Variants in FGF14 observed in about 807,000 individuals in gnomAD.
The protein encoded by FGF14 is fibroblast growth factor 14, also known as fibroblast growth factor homologous factor 4.
Under a neutral mutation model 25.5 loss-of-function variants are expected in FGF14, and 5 were observed. The observed-to-expected ratio is 0.20, with a 90% CI of 0.10 to 0.41. FGF14 has a LOEUF of 0.41. Ranked by LOEUF, FGF14 falls within the 10% of genes least tolerant of loss-of-function variation. The pLI, the probability that FGF14 is intolerant of heterozygous loss-of-function variation, is 1.00. For synonymous variants in FGF14, 138 were observed against 118.3 expected, an observed-to-expected ratio of 1.17 and a Z score of -1.08; for missense variants, 222 against 320.1, an observed-to-expected ratio of 0.69 and a Z score of 2.34.
intron 3 of FGF14, among the ~76,000 whole-genome samples, chr13:101,805,483 T>C (rs2041143178): frequency 6.6e-6 from 1 of 152,136 alleles, no homozygotes; most frequent in African/African-American, 2.4e-5. Flanking sequence ...ATATAAACAT[T>C]TTATCCAATG....
Position 102,116,660 on chromosome 13 carries a change from A to G in FGF14, c.209-241364T>C, listed in dbSNP as rs372403520. Reference sequence around the variant, plus strand: ...AAGTATATCAGAGGGCGCCAGGAACAGGGGCATGAGGGAATGGAGAATTAT... The same window carrying G: ...AAGTATATCAGAGGGCGCCAGGAACGGGGGCATGAGGGAATGGAGAATTAT... On this transcript the variant is annotated intron_variant, in intron 1 of 4. Coordinates refer to the FGF14 transcript ENST00000376131. Among the ~76,000 whole-genome samples, 17 of 152,296 alleles carry G rather than the reference A, an allele frequency of 1.1e-4. No individual in the cohort carries two copies. The East Asian group carries it at 1.7e-3, about 16-fold the overall frequency.
At chr13:101,810,511 C>T (rs1396493060) in intron 3 of FGF14, among the ~76,000 whole-genome samples, 1 of 152,166 alleles carries the variant, frequency 6.6e-6, no homozygotes, top group Non-Finnish European at 1.5e-5. Flanking sequence ...ACGACCATAT[C>T]ACTGCTACAT....
At chr13:102,219,501 G>A (rs912678575) in intron 1 of FGF14, among the ~76,000 whole-genome samples, 5 of 152,092 alleles carry the variant, frequency 3.3e-5, no homozygotes, top group African/African-American at 1.2e-4. Flanking sequence ...CTGAGCTTGT[G>A]GAAATTGGTT....
chr13:102,102,218 G>A (rs142956525), intron 1 of FGF14, among the ~76,000 whole-genome samples: 148 of 152,268 alleles, frequency 9.7e-4, no homozygotes, highest in African/African-American at 3.4e-3. Flanking sequence ...TAACCCAGTA[G>A]TAGCAAGAAC....
intron 1 of FGF14, among the ~76,000 whole-genome samples, chr13:102,080,710 C>T (rs1297521362): frequency 6.6e-6 from 1 of 152,198 alleles, no homozygotes; most frequent in Non-Finnish European, 1.5e-5. Context: ...CCCTCCAGAA[C>T]TAATTGTCAA....
intron 1 of FGF14, among the ~76,000 whole-genome samples, chr13:102,071,065 G>A (rs2043135221): frequency 6.6e-6 from 1 of 152,138 alleles, no homozygotes. Context: ...ATAAGTCATA[G>A]TTTACACCAG....
intron 1 of FGF14, among the ~76,000 whole-genome samples, chr13:102,209,362 C>T (rs567788566): frequency 1.3e-5 from 2 of 152,304 alleles, no homozygotes; most frequent in East Asian, 3.9e-4. Flanking sequence ...TAAATATAAA[C>T]AGAAACAGTC....
intron 1 of FGF14, among the ~76,000 whole-genome samples, chr13:102,090,823 T>C (rs2044131592): frequency 6.6e-6 from 1 of 152,352 alleles, no homozygotes; most frequent in African/African-American, 2.4e-5. Context: ...ATGAGATCCT[T>C]TGTGTTTACA....
chr13:101,966,857 G>C (rs1055509811), intron 1 of FGF14, among the ~76,000 whole-genome samples: 1 of 152,112 alleles, frequency 6.6e-6, no homozygotes, highest in Non-Finnish European at 1.5e-5. Flanking sequence ...CAGAAGGATC[G>C]TGAGACAGTT....
At chr13:101,957,825 T>A (rs1327915180) in intron 1 of FGF14, among the ~76,000 whole-genome samples, 1 of 152,174 alleles carries the variant, frequency 6.6e-6, no homozygotes, top group Non-Finnish European at 1.5e-5. Context: ...ATTGTCACTC[T>A]CTTAATCCAC....
chr13:102,360,071 A>G (rs1487811769), intron 1 of FGF14, among the ~76,000 whole-genome samples: 1 of 152,196 alleles, frequency 6.6e-6, no homozygotes, highest in Non-Finnish European at 1.5e-5. Context: ...TATAACACAT[A>G]AAAATATGGA....
intron 3 of FGF14, among the ~76,000 whole-genome samples, chr13:101,839,544 G>A (rs919487326): frequency 1.1e-4 from 16 of 152,076 alleles, no homozygotes; most frequent in East Asian, 1.9e-4. Context: ...TGTAATTTTT[G>A]TGGGTAAATA....
intron 1 of FGF14, among the ~76,000 whole-genome samples, chr13:101,991,860 A>G (rs1027880703): frequency 1.3e-5 from 2 of 152,128 alleles, no homozygotes; most frequent in Non-Finnish European, 2.9e-5. Flanking sequence ...TTGTGTTCTC[A>G]AAGAAAAATC....
At chr13:102,217,876 C>A (rs571040836) in intron 1 of FGF14, among the ~76,000 whole-genome samples, 2 of 152,090 alleles carry the variant, frequency 1.3e-5, no homozygotes, top group Admixed American at 6.6e-5. Context: ...GCTGAGAAAG[C>A]CCGGAACACT....
Position 101,716,941 on chromosome 13 carries a change from C to G in FGF14, c.*5890G>C, listed in dbSNP as rs1344914108. 1 of 151,980 alleles carries G rather than the reference C, an allele frequency of 6.6e-6. No homozygotes were observed. The highest frequency in any genetic ancestry group is 1.5e-5 in the Non-Finnish European group (1 of 67,956). 9.4% of individuals were successfully genotyped at this position (151,980 alleles called of 1,614,324 possible). Reference sequence around the variant, plus strand: ...TGAAAGTGTACAATAATTGGGACTTCCCTTACATATTTACAGGTAAATCTA... The same window carrying G: ...TGAAAGTGTACAATAATTGGGACTTGCCTTACATATTTACAGGTAAATCTA... On this transcript the variant is annotated 3_prime_UTR_variant, in exon 5 of 5. Coordinates refer to ENST00000376143, the MANE Select transcript of FGF14 (RefSeq NM_004115.4).
chr13:102,193,986 T>G (rs1280614069), intron 1 of FGF14, among the ~76,000 whole-genome samples: 1 of 152,182 alleles, frequency 6.6e-6, no homozygotes, highest in Non-Finnish European at 1.5e-5. Context: ...AATTATAATT[T>G]AAAGCCATTA....
intron 3 of FGF14, among the ~76,000 whole-genome samples, chr13:101,858,416 T>C (rs1202054595): frequency 2.0e-5 from 3 of 152,074 alleles, no homozygotes; most frequent in Non-Finnish European, 4.4e-5. Flanking sequence ...ATATGATATA[T>C]TGGCTTCCTT....
At chr13:101,911,856 A>G (rs1042375825) in intron 1 of FGF14, among the ~76,000 whole-genome samples, 1 of 152,284 alleles carries the variant, frequency 6.6e-6, no homozygotes, top group East Asian at 1.9e-4. Flanking sequence ...CCAACACCAA[A>G]GAGAAAATAT....
chr13:102,070,404 A>G (rs1455268738), intron 1 of FGF14, among the ~76,000 whole-genome samples: 1 of 152,234 alleles, frequency 6.6e-6, no homozygotes. Context: ...AGATGTGGAG[A>G]AAAGGGTACC....
Sources: gnomAD v4.1 joint callset for allele counts (sites outside exome capture counted in the v4.1 genomes callset) on GRCh38, gnomAD v4.1.1 for gene constraint, MANE v1.5 for transcripts, NCBI Gene and HGNC (gene_info 2026-07-23, HGNC 2026-07-21) for gene names.